Variants in ZNF143 observed in about 807,000 individuals in gnomAD.
The protein encoded by ZNF143 is zinc finger protein 143.
A neutral mutation model predicts 74.1 loss-of-function variants in ZNF143; 49 were observed. That is an observed-to-expected ratio of 0.66 (90% CI 0.53 to 0.84). ZNF143 has a LOEUF of 0.84. ZNF143 is among the 40% of genes least tolerant of loss of function. ZNF143 has a pLI of 0.00. For missense variants in ZNF143, 637 were observed against 793.4 expected (o/e 0.80, Z 2.37); for synonymous variants, 304 against 282.8 (o/e 1.07, Z -0.75).
chr11:9,527,705 T>A lies in ZNF143; in HGVS notation c.*92T>A, dbSNP rs1849178956. ...GCCCGGGCCCAGGAAAATTAGAAGT[T>A]TTCCATTCCTGATACACTGTACACA... On this transcript the variant is annotated 3_prime_UTR_variant, in exon 16 of 16. Coordinates refer to ENST00000396602, the MANE Select transcript of ZNF143 (RefSeq NM_003442.6). 1.9e-5 allele frequency: 22 copies of A among 1,186,412 alleles called. No homozygotes were observed. The highest frequency in any genetic ancestry group is 2.6e-5 in the Non-Finnish European group (21 of 812,898). 73.5% of individuals were successfully genotyped at this position (1,186,412 alleles called of 1,614,324 possible).
chr11:9,495,697 C>T (rs1224065158), intron 8 of ZNF143, among the ~76,000 whole-genome samples: 1 of 152,158 alleles, frequency 6.6e-6, no homozygotes, highest in Non-Finnish European at 1.5e-5. Context: ...GAGTTATCTC[C>T]CTCTCAGAGT....
Position 9,471,411 on chromosome 11 carries a change from A to C in ZNF143, c.103A>C (p.Thr35Pro). The C allele has an allele frequency of 6.2e-7, 1 of 1,602,180 alleles. No homozygotes were observed. Among genetic ancestry groups the C allele is most frequent in the East Asian group, 2.3e-5 (1 of 44,322 alleles). The change falls in exon 2 of 16, where the codon ACC becomes CCC. Residue 35 changes from threonine to proline, a missense_variant. Thr to Pro is a conservative substitution (Grantham distance 38). This residue lies in a region of ZNF143 where 293 missense variants were observed against 307.8 expected (regional missense o/e 0.95). Transcript: ENST00000396602. ...HVTLCLTEAVTVADGDNLENM... is the reference protein window; with the variant it reads ...HVTLCLTEAVPVADGDNLENM... ...TACGCTGTGCTTGACAGAGGCAGTC[A>C]CCGTGGCAGGTGAGCAGTTGTGTTT...
intron 7 of ZNF143, 21 bp downstream of exon 7, chr11:9,479,567 A>G: frequency 3.1e-6 from 5 of 1,600,968 alleles, no homozygotes; most frequent in Non-Finnish European, 4.3e-6. Context: ...CTACTTTTTA[A>G]TATAAAAATC....
intron 15 of ZNF143, among the ~76,000 whole-genome samples, chr11:9,526,792 A>G (rs1018330077): frequency 6.6e-6 from 1 of 152,108 alleles, no homozygotes; most frequent in Non-Finnish European, 1.5e-5. Flanking sequence ...CAGGCACGGC[A>G]GGCTGGGAGT....
rs75770321 is a variant in ZNF143 at position 9,508,415 on chromosome 11, G to A, written c.1148-204G>A. ...GGAGAACCTGGTGTTGATGCATGGA[G>A]ACAGCACTAAGGATCATACTACCTT... On this transcript the variant is annotated intron_variant, in intron 11 of 15. Transcript: ENST00000396602. 0.037 allele frequency among the ~76,000 whole-genome samples: 5,574 copies of A among 152,238 alleles called. 310 individuals carry two copies. The highest frequency in any genetic ancestry group is 0.12 in the African/African-American group (4,942 of 41,510).
At chr11:9,489,321 C>G (rs1201439489) in intron 7 of ZNF143, among the ~76,000 whole-genome samples, 3 of 152,132 alleles carry the variant, frequency 2.0e-5, no homozygotes, top group East Asian at 3.8e-4. Flanking sequence ...AGAAACCTTG[C>G]TGTTGTCACC....
At chr11:9,513,112 T>C (rs1848609604) in intron 13 of ZNF143, among the ~76,000 whole-genome samples, 1 of 152,246 alleles carries the variant, frequency 6.6e-6, no homozygotes, top group Non-Finnish European at 1.5e-5. Context: ...AAACTTGTTA[T>C]TATTTTCTAG....
At chr11:9,512,854 C>T (rs553477948) in intron 13 of ZNF143, among the ~76,000 whole-genome samples, 1 of 152,192 alleles carries the variant, frequency 6.6e-6, no homozygotes, top group South Asian at 2.1e-4. Context: ...CAGAGAGGCT[C>T]AGGGCTTCAA....
chr11:9,469,976 A>G (rs569349551), intron 1 of ZNF143, among the ~76,000 whole-genome samples: 11 of 152,246 alleles, frequency 7.2e-5, no homozygotes, highest in Non-Finnish European at 1.6e-4. Context: ...CTAAACGTAA[A>G]AAGAATTACA....
intron 1 of ZNF143, among the ~76,000 whole-genome samples, chr11:9,468,868 T>C (rs1278175575): frequency 6.6e-6 from 1 of 152,046 alleles, no homozygotes; most frequent in Non-Finnish European, 1.5e-5. Flanking sequence ...GCACGGTGGC[T>C]CACACCTGTA....
chr11:9,481,497 A>G (rs1847237476), intron 7 of ZNF143, among the ~76,000 whole-genome samples: 1 of 152,184 alleles, frequency 6.6e-6, no homozygotes, highest in African/African-American at 2.4e-5. Context: ...TGCGGGAGTT[A>G]TAGGTCAGTG....
At position 9,462,649 on chromosome 11, in the gene ZNF143, G is replaced by A. The variant is rs150740136; in HGVS notation, c.-8+1573G>A. ...AGCACTTTGGGAGGCCGAGGCCAGC[G>A]GATCACCTGAGGTCAGGAGTTCGAG... On this transcript the variant is annotated intron_variant, in intron 1 of 15. Transcript: ENST00000396602. Among the ~76,000 whole-genome samples, 954 of 152,150 alleles carry A rather than the reference G, an allele frequency of 6.3e-3. 12 individuals carry two copies. Among genetic ancestry groups the A allele is most frequent in the African/African-American group, 0.022 (900 of 41,502 alleles).
chr11:9,472,629 T>C (rs761017432), intron 2 of ZNF143, 48 bp from the exon 3 acceptor site: 1 of 1,471,732 alleles, frequency 6.8e-7, no homozygotes, highest in South Asian at 1.2e-5. Flanking sequence ...TTAATCAGCA[T>C]GTCCATATGC....
At position 9,466,888 on chromosome 11, in the gene ZNF143, T is replaced by TTG. The variant is rs537245554; in HGVS notation, c.-7-4398_-7-4397dup. 3.1e-3 allele frequency among the ~76,000 whole-genome samples: 467 copies of TTG among 151,510 alleles called. 3 individuals carry two copies. The highest frequency in any genetic ancestry group is 0.01 in the African/African-American group (421 of 41,256). ...AATAGAGTAATACTCTGGTTTTTTTTTGTGTGTGTGTGTGTGTTTTTTTGA... is the reference window on the plus strand; with the variant it reads ...AATAGAGTAATACTCTGGTTTTTTTTTGTGTGTGTGTGTGTGTGTTTTTTTGA... On this transcript the variant is annotated intron_variant, in intron 1 of 15. Transcript: ENST00000396602.
rs997804056 is a variant in ZNF143 at position 9,504,807 on chromosome 11, T to A, written c.1147+3537T>A. Among the ~76,000 whole-genome samples, 2 of 116,832 alleles carry A rather than the reference T, an allele frequency of 1.7e-5. 1 individual carries two copies. The highest frequency in any genetic ancestry group is 4.0e-5 in the Non-Finnish European group (2 of 49,802). 76.6% of individuals were successfully genotyped at this position (116,832 alleles called of 152,430 possible). ...CTCCTGCCTCAGCCTCCTGAGTAGCTGGGACTACAGGCACCTGCCACCACG... is the reference window on the plus strand; with the variant it reads ...CTCCTGCCTCAGCCTCCTGAGTAGCAGGGACTACAGGCACCTGCCACCACG... On this transcript the variant is annotated intron_variant, in intron 11 of 15. Transcript: ENST00000396602.
At chr11:9,513,509 C>T (rs1848623057) in intron 13 of ZNF143, among the ~76,000 whole-genome samples, 1 of 152,210 alleles carries the variant, frequency 6.6e-6, no homozygotes, top group African/African-American at 2.4e-5. Context: ...TTTTATATAA[C>T]CTCCCTGTTC....
rs576754979 is a variant in ZNF143, at chr11:9,478,240, T to C, written c.374-150T>C. The C allele has an allele frequency of 1.1e-5, 8 of 730,852 alleles. No homozygotes were observed. In the South Asian group the frequency reaches 1.7e-4, roughly 15 times the overall value. 45.3% of individuals were successfully genotyped at this position (730,852 alleles called of 1,614,324 possible). ...ATGTACCTGCCTTGCAGAATTATTGTGAGGATTAAATGAAATAACACATAT... is the reference window on the plus strand; with the variant it reads ...ATGTACCTGCCTTGCAGAATTATTGCGAGGATTAAATGAAATAACACATAT... On this transcript the variant is annotated intron_variant, in intron 5 of 15. Transcript: ENST00000396602.
At chr11:9,478,262 A>G in intron 5 of ZNF143, 128 bp from the exon 6 acceptor site, 1 of 847,470 alleles carries the variant, frequency 1.2e-6, no homozygotes, top group Non-Finnish European at 1.8e-6. Context: ...GAAATAACAC[A>G]TATCAAGTGC....
intron 14 of ZNF143, among the ~76,000 whole-genome samples, chr11:9,523,746 A>T (rs1219419823): frequency 7.0e-6 from 1 of 143,100 alleles, no homozygotes; most frequent in African/African-American, 2.6e-5. Flanking sequence ...AAAATATATA[A>T]TAATAATAAT....
Sources: allele counts gnomAD v4.1 joint callset (sites outside exome capture counted in the v4.1 genomes callset), GRCh38; gene constraint gnomAD v4.1.1; regional missense constraint gnomAD v4.1.1; transcripts MANE v1.5; gene names NCBI Gene and HGNC (gene_info 2026-07-23, HGNC 2026-07-21).